Variants in GALNT9 observed in about 807,000 individuals in gnomAD.
GALNT9 encodes the protein polypeptide N-acetylgalactosaminyltransferase 9.
Under a neutral mutation model 63.1 loss-of-function variants are expected in GALNT9, and 47 were observed. The observed-to-expected ratio is 0.75, with a 90% confidence interval of 0.59 to 0.95. The LOEUF (loss-of-function observed/expected upper bound fraction) is 0.95, where lower values mean the gene tolerates loss of function less well. Among genes scored for constraint, GALNT9 ranks in the 40% least tolerant of loss-of-function variants. The probability of loss-of-function intolerance (pLI) is 0.00; values close to 1 mark genes in which losing one functional copy is unlikely to be tolerated. For synonymous variants in GALNT9, 396 were observed against 365.7 expected (o/e 1.08, Z -0.94); for missense variants, 829 against 874.8 (o/e 0.95, Z 0.66).
intron 6 of GALNT9, among the ~76,000 whole-genome samples, chr12:132,211,589 T>C (rs6598208): frequency 6.6e-6 from 1 of 151,802 alleles, no homozygotes; most frequent in African/African-American, 2.4e-5. Context: ...CCGTCCACCC[T>C]CTCTCGTCCA....
chr12:132,239,429 G>GAGTC (rs202087957), intron 6 of GALNT9, among the ~76,000 whole-genome samples: 1 of 142,904 alleles, frequency 7.0e-6, no homozygotes, highest in Non-Finnish European at 1.6e-5. Flanking sequence ...CTGAGAGACA[G>GAGTC]AGAGACAGAG....
chr12:132,217,949 A>AC (rs796659586), intron 6 of GALNT9, among the ~76,000 whole-genome samples: 8 of 130,926 alleles, frequency 6.1e-5, no homozygotes, highest in African/African-American at 2.4e-4. Flanking sequence ...CCACCCACTC[A>AC]CCACTCATCC....
intron 2 of GALNT9, among the ~76,000 whole-genome samples, chr12:132,276,969 A>T (rs1177955320): frequency 6.6e-6 from 1 of 152,004 alleles, no homozygotes; most frequent in South Asian, 2.1e-4. Context: ...CATACATCTC[A>T]CACACACAGA....
rs573562565 is a variant in GALNT9 at position 132,210,808 on chromosome 12, A to G, written c.1078-7118T>C. On this transcript the variant is annotated intron_variant, in intron 6 of 10. Transcript: ENST00000328957. ...TGGAGGTCGCCGTCTGGCGGTTGCC[A>G]TCTGGGTGGTCGCCGTCTGGAGGTC... 3.6e-3 allele frequency among the ~76,000 whole-genome samples: 538 copies of G among 151,198 alleles called. 2 individuals are homozygous for G. Among genetic ancestry groups the G allele is most frequent in the Non-Finnish European group, 5.3e-3 (360 of 67,836 alleles).
rs143124853 is a variant in GALNT9, at chr12:132,319,105, T to C, written c.238+9861A>G. 6.6e-5 allele frequency among the ~76,000 whole-genome samples: 10 copies of C among 152,096 alleles called. No homozygotes were observed. Among genetic ancestry groups the C allele is most frequent in the African/African-American group, 2.4e-4 (10 of 41,402 alleles). On this transcript the variant is annotated intron_variant, in intron 1 of 10. Transcript: ENST00000328957. This position sits in a 1 kb window ranked among gnomAD's most constrained non-coding sequence, Gnocchi z 5.2. ...CAAGCCTGCAGCGTGCGTGCCTTCA[T>C]GTGAGGTGTGCTCCCCATGGTTGAA...
chr12:132,218,884 C>A lies in GALNT9; in HGVS notation c.1078-15194G>T, dbSNP rs1281038427. ...GAGCATCTCAAACAAATGAGAGAAA[C>A]AGCGTCTTCCTTCCAAACAAGTGGT... On this transcript the variant is annotated intron_variant, in intron 6 of 10. Coordinates refer to ENST00000328957, the MANE Select transcript of GALNT9 (RefSeq NM_001122636.2). Among the ~76,000 whole-genome samples the A allele has an allele frequency of 2.6e-5, 4 of 152,218 alleles. No homozygotes were observed. In the East Asian group the frequency reaches 7.7e-4, roughly 29 times the overall value.
chr12:132,327,930 G>A lies in GALNT9; in HGVS notation c.238+1036C>T, dbSNP rs530256909. Among the ~76,000 whole-genome samples, 3 of 150,208 alleles carry A rather than the reference G, an allele frequency of 2.0e-5. No homozygotes were observed. The highest frequency in any genetic ancestry group is 2.0e-4 in the East Asian group (1 of 5,028). On this transcript the variant is annotated intron_variant, in intron 1 of 10. Transcript: ENST00000328957. The surrounding 1 kb of genome is among the most constrained non-coding windows in gnomAD (Gnocchi z 4.3). ...CACAGCAGGCACATCCGGAGCCCCC[G>A]CCTGCCCGCGTAACCCCAGCTCCCG...
intron 1 of GALNT9, among the ~76,000 whole-genome samples, chr12:132,318,603 T>C (rs1380321276): frequency 6.6e-6 from 1 of 152,236 alleles, no homozygotes; most frequent in African/African-American, 2.4e-5. Flanking sequence ...ATTTGCAGGT[T>C]CAGGGCCGCC....
At chr12:132,205,629 T>TG (rs988578452) in intron 6 of GALNT9, 1 of 152,364 alleles carries the variant, frequency 6.6e-6, no homozygotes, top group African/African-American at 2.4e-5. Context: ...AGTTGGCCTT[T>TG]GCATCCCGAG....
intron 2 of GALNT9, among the ~76,000 whole-genome samples, chr12:132,271,759 G>A (rs1593096929): frequency 6.6e-6 from 1 of 152,160 alleles, no homozygotes; most frequent in Non-Finnish European, 1.5e-5. Context: ...CAGGGCCAGC[G>A]ACGGCCAGGG....
intron 4 of GALNT9, among the ~76,000 whole-genome samples, 180 bp from the exon 5 acceptor site, chr12:132,258,066 A>G (rs1457493090): frequency 6.6e-6 from 1 of 152,060 alleles, no homozygotes; most frequent in Non-Finnish European, 1.5e-5. Context: ...TCAGCAGCAG[A>G]CCCACCCTGA....
rs1333437605 is a variant in GALNT9 at position 132,265,321 on chromosome 12, C to T, written c.420-2696G>A. Among the ~76,000 whole-genome samples, 1 of 152,136 alleles carries T rather than the reference C, an allele frequency of 6.6e-6. No individual in the cohort carries two copies. Among genetic ancestry groups the T allele is most frequent in the Non-Finnish European group, 1.5e-5 (1 of 68,028 alleles). On this transcript the variant is annotated intron_variant, in intron 2 of 10. Transcript: ENST00000328957. The surrounding 1 kb of genome is among the most constrained non-coding windows in gnomAD (Gnocchi z 5.3). ...TCCTCCCCGTGGAAGCCTTTCCTTC[C>T]GTGGTGGGCTGAACGGTGTCCTCCT...
At position 132,327,645 on chromosome 12, in the gene GALNT9, C is replaced by T. The variant is rs1002569284; in HGVS notation, c.238+1321G>A. On this transcript the variant is annotated intron_variant, in intron 1 of 10. Coordinates refer to ENST00000328957, the MANE Select transcript of GALNT9 (RefSeq NM_001122636.2). The surrounding 1 kb of genome is among the most constrained non-coding windows in gnomAD (Gnocchi z 4.3). The stretch of plus-strand genomic sequence containing the variant: ...GCTGCTTGAACTACTTTTCTCCCCT[C>T]GTGGCTCCAGCTGAATCAGAAAGAT... 6.6e-6 allele frequency among the ~76,000 whole-genome samples: 1 copy of T among 152,136 alleles called. No individual in the cohort carries two copies. The highest frequency in any genetic ancestry group is 2.4e-5 in the African/African-American group (1 of 41,422).
chr12:132,214,920 A>G (rs1208850679), intron 6 of GALNT9, among the ~76,000 whole-genome samples: 3 of 152,218 alleles, frequency 2.0e-5, no homozygotes, highest in Non-Finnish European at 4.4e-5. Flanking sequence ...CCCGTCACAG[A>G]GGCCCATCTC....
At chr12:132,248,317 AAAG>A (rs1878791998) in intron 5 of GALNT9, among the ~76,000 whole-genome samples, 1 of 152,236 alleles carries the variant, frequency 6.6e-6, no homozygotes, top group Non-Finnish European at 1.5e-5. Flanking sequence ...AGGTTTAAAA[AAAG>A]ATCAATCGGC....
chr12:132,225,620 T>A (rs1348513375), intron 6 of GALNT9, among the ~76,000 whole-genome samples: 4 of 81,674 alleles, frequency 4.9e-5, no homozygotes, highest in African/African-American at 1.9e-4. Context: ...CACATGCACA[T>A]CACACAACCC....
In GALNT9 at chr12:132,252,958, AGG is replaced by A. The variant is rs1555238720; in HGVS notation, c.959+4729_959+4730del. On this transcript the variant is annotated intron_variant, in intron 5 of 10. Coordinates refer to ENST00000328957, the MANE Select transcript of GALNT9 (RefSeq NM_001122636.2). The surrounding 1 kb of genome is among the most constrained non-coding windows in gnomAD (Gnocchi z 5.2). ...GCTGATATTTATTGCATACAGGACG[AGG>A]GGGCAGGGTAAGGAGGGTGAATCTT... Among the ~76,000 whole-genome samples, 2 of 151,900 alleles carry A rather than the reference AGG, an allele frequency of 1.3e-5. No homozygotes were observed. Among genetic ancestry groups the A allele is most frequent in the African/African-American group, 4.8e-5 (2 of 41,324 alleles).
intron 2 of GALNT9, among the ~76,000 whole-genome samples, chr12:132,266,236 T>G (rs1879592603): frequency 6.6e-6 from 1 of 152,164 alleles, no homozygotes; most frequent in African/African-American, 2.4e-5. Flanking sequence ...TCACCATATT[T>G]CATGAATGTG....
chr12:132,328,102 C>G (rs988426858), intron 1 of GALNT9, among the ~76,000 whole-genome samples: 14 of 152,182 alleles, frequency 9.2e-5, no homozygotes, highest in Non-Finnish European at 1.8e-4. Flanking sequence ...TCCTGGCGCC[C>G]CGGTGCAGAG....
Sources: allele counts gnomAD v4.1 joint callset (sites outside exome capture counted in the v4.1 genomes callset), GRCh38; gene constraint gnomAD v4.1.1; non-coding constraint Gnocchi (gnomAD v3.1); transcripts MANE v1.5; gene names NCBI Gene and HGNC (gene_info 2026-07-23, HGNC 2026-07-21).